The following ALK variants were observed in gnomAD, a reference collection of about 807,000 sequenced individuals.
ALK encodes ALK receptor tyrosine kinase, also known as ALK tyrosine kinase receptor.
ALK carries 74 observed loss-of-function variants against 163.1 expected under a neutral mutation model. That is an observed-to-expected ratio of 0.45 (90% CI 0.38 to 0.55). ALK has a LOEUF of 0.55. Ranked by LOEUF, ALK falls within the 20% of genes least tolerant of loss-of-function variation. The pLI is 0.00. For missense variants in ALK, 2,063 were observed against 2,105.3 expected (o/e 0.98, Z 0.39); for synonymous variants, 960 against 843.2 (o/e 1.14, Z -2.40).
intron 3 of ALK, among the ~76,000 whole-genome samples, chr2:29,554,143 T>C (rs1673784452): frequency 6.6e-6 from 1 of 152,204 alleles, no homozygotes; most frequent in Admixed American, 6.5e-5. Context: ...CTTTCATTAA[T>C]ATGTGACAAA....
rs1018007718 is a variant in ALK at position 29,890,340 on chromosome 2, C to T, written c.667+29653G>A. The T allele has an allele frequency of 4.6e-5, 7 of 152,172 alleles. No homozygotes were observed. In the East Asian group the frequency reaches 1.3e-3, roughly 29 times the overall value. The allele number at this position is 152,172 out of a possible 1,614,324, so 9.4% of individuals were successfully genotyped here. On this transcript the variant is annotated intron_variant, in intron 1 of 28. Transcript: ENST00000389048. ...CAAACAGGCCTGGGCCTGAATCCAC[C>T]AATGCCTTTGGTAGAAATCTGGATT...
intron 5 of ALK, among the ~76,000 whole-genome samples, chr2:29,342,877 CT>C (rs57838065): frequency 0.25 from 22,875 of 89,778 alleles, 1,450 homozygotes; most frequent in Middle Eastern, 0.33. Context: ...GCTCAGTGAT[CT>C]TTTTTTTTTT....
At chr2:29,532,826 G>C (rs2148159519) in intron 3 of ALK, among the ~76,000 whole-genome samples, 1 of 152,272 alleles carries the variant, frequency 6.6e-6, no homozygotes, top group African/African-American at 2.4e-5. Context: ...GCTCACTTCT[G>C]CTTTGAAGTT....
At chr2:29,615,613 G>T (rs879750129) in intron 3 of ALK, among the ~76,000 whole-genome samples, 4 of 152,108 alleles carry the variant, frequency 2.6e-5, no homozygotes, top group Non-Finnish European at 5.9e-5. Context: ...AATACTATTT[G>T]CCCTGTGCCC....
intron 23 of ALK, among the ~76,000 whole-genome samples, chr2:29,216,934 G>GGCAT (rs1219959223): frequency 2.1e-4 from 2 of 9,434 alleles, no homozygotes; most frequent in African/African-American, 5.9e-4. Flanking sequence ...GTGTGTGGGG[G>GGCAT]GTGTGTGTGT....
intron 3 of ALK, among the ~76,000 whole-genome samples, chr2:29,566,734 G>A (rs889837238): frequency 1.2e-4 from 18 of 152,110 alleles, no homozygotes; most frequent in African/African-American, 4.3e-4. Flanking sequence ...AAAGATAATT[G>A]GAAACAGCTT....
At position 29,717,636 on chromosome 2, in the gene ALK, C is replaced by A. The variant is rs2148307291; in HGVS notation, c.729G>T (p.Trp243Cys). 1 of 1,613,896 alleles carries A rather than the reference C, an allele frequency of 6.2e-7. No individual in the cohort carries two copies. The highest frequency in any genetic ancestry group is 1.1e-5 in the South Asian group (1 of 91,062). The change falls in exon 2 of 29, where the codon TGG becomes TGT. Residue 243 changes from tryptophan to cysteine, a missense_variant. By Grantham distance (215) the Trp-to-Cys change is radical. Coordinates refer to ENST00000389048, the MANE Select transcript of ALK (RefSeq NM_004304.5). The stretch of plus-strand genomic sequence containing the variant: ...AGTCTTTCATTATCCAGGTGAGATT[C>A]CATGTAAAATAATCAGGAGAAGGAG... ...MPSPSPDYFT[W>C]NLTWIMKDSF...
At chr2:29,618,420 T>G (rs55826841) in intron 3 of ALK, among the ~76,000 whole-genome samples, 3,679 of 151,774 alleles carry the variant, frequency 0.024, 143 homozygotes, top group African/African-American at 0.081. Context: ...TTTTTTTTTT[T>G]TTGTTGACAA....
chr2:29,534,409 G>C (rs993184314), intron 3 of ALK, among the ~76,000 whole-genome samples: 3 of 152,184 alleles, frequency 2.0e-5, no homozygotes, highest in African/African-American at 7.2e-5. Context: ...TGCAGAGCAC[G>C]TGAGGACCCT....
chr2:29,262,128 G>A (rs956914394), intron 11 of ALK, among the ~76,000 whole-genome samples: 1 of 152,216 alleles, frequency 6.6e-6, no homozygotes, highest in Non-Finnish European at 1.5e-5. Flanking sequence ...ATAGGGAAGG[G>A]AGAAGAACTG....
chr2:29,561,412 C>T (rs544274040), intron 3 of ALK, among the ~76,000 whole-genome samples: 13 of 152,256 alleles, frequency 8.5e-5, no homozygotes, highest in Admixed American at 2.6e-4. Context: ...AACAGTAGCC[C>T]GGTGATTGGA....
At chr2:29,858,298 C>T (rs1233047404) in intron 1 of ALK, among the ~76,000 whole-genome samples, 1 of 151,980 alleles carries the variant, frequency 6.6e-6, no homozygotes, top group African/African-American at 2.4e-5. Context: ...TAAATGGAAC[C>T]GTAGGCACTC....
At chr2:29,473,965 T>C (rs1190950260) in intron 4 of ALK, among the ~76,000 whole-genome samples, 3 of 152,210 alleles carry the variant, frequency 2.0e-5, no homozygotes, top group Non-Finnish European at 4.4e-5. Context: ...GAGCACATTC[T>C]CAATACATTG....
At chr2:29,865,936 T>C (rs1013725816) in intron 1 of ALK, among the ~76,000 whole-genome samples, 1 of 151,998 alleles carries the variant, frequency 6.6e-6, no homozygotes, top group Non-Finnish European at 1.5e-5. Flanking sequence ...ACACCAAGGG[T>C]CGCTGGGAGC....
At chr2:29,437,965 C>G (rs533359701) in intron 4 of ALK, among the ~76,000 whole-genome samples, 1 of 152,264 alleles carries the variant, frequency 6.6e-6, no homozygotes, top group South Asian at 2.1e-4. Context: ...ATGAGGAAGA[C>G]CTGCAGGTAT....
At chr2:29,912,739 A>T (rs1019951235) in intron 1 of ALK, among the ~76,000 whole-genome samples, 2 of 152,082 alleles carry the variant, frequency 1.3e-5, no homozygotes, top group African/African-American at 4.8e-5. Flanking sequence ...AGCAAGTTTA[A>T]GAGAGTTGTA....
chr2:29,756,886 C>G (rs1355255177), intron 1 of ALK, among the ~76,000 whole-genome samples: 1 of 152,154 alleles, frequency 6.6e-6, no homozygotes, highest in Non-Finnish European at 1.5e-5. Context: ...TTACAGAGAA[C>G]AAGATCACTA....
At chr2:29,294,500 G>A (rs1666125399) in intron 9 of ALK, among the ~76,000 whole-genome samples, 1 of 152,118 alleles carries the variant, frequency 6.6e-6, no homozygotes, top group African/African-American at 2.4e-5. Context: ...AGTTAAACAA[G>A]CACTTTACTT....
chr2:29,357,042 C>T (rs4666209), intron 5 of ALK, among the ~76,000 whole-genome samples: 150,796 of 152,264 alleles, frequency 0.99, 74,684 homozygotes, highest in Non-Finnish European at 1. Flanking sequence ...TCCCATCCAA[C>T]TGAGTGCGAA....
Sources: gnomAD v4.1 joint callset for allele counts (sites outside exome capture counted in the v4.1 genomes callset) on GRCh38, gnomAD v4.1.1 for gene constraint, MANE v1.5 for transcripts, NCBI Gene and HGNC (gene_info 2026-07-23, HGNC 2026-07-21) for gene names.